Variants in NRXN3 observed in about 807,000 individuals in gnomAD.
The protein encoded by NRXN3 is neurexin III.
In NRXN3, 32 loss-of-function variants were observed where a neutral mutation model predicts 137.6. The observed-to-expected ratio is 0.23, with a 90% confidence interval of 0.18 to 0.31. NRXN3 has a LOEUF of 0.31. NRXN3 is among the 10% of genes least tolerant of loss of function. The pLI is 1.00. For synonymous variants in NRXN3, 798 were observed against 784.5 expected (o/e 1.02, Z -0.29); for missense variants, 1,574 against 2,062.5 (o/e 0.76, Z 4.59).
chr14:78,253,549 C>T (rs2068990446), intron 2 of NRXN3, among the ~76,000 whole-genome samples: 1 of 152,082 alleles, frequency 6.6e-6, no homozygotes, highest in African/African-American at 2.4e-5. Context: ...GTGGTGCATG[C>T]CTGTGGTGCC....
intron 15 of NRXN3, among the ~76,000 whole-genome samples, chr14:79,277,212 G>A (rs183970450): frequency 6.6e-6 from 1 of 152,208 alleles, no homozygotes; most frequent in East Asian, 1.9e-4. Context: ...GGCCAACAAT[G>A]CTATAAAGGC....
intron 8 of NRXN3, among the ~76,000 whole-genome samples, chr14:78,797,662 AT>A (rs1378728870): frequency 6.6e-6 from 1 of 152,186 alleles, no homozygotes; most frequent in Non-Finnish European, 1.5e-5. Flanking sequence ...TTGGCAGAAG[AT>A]AAAATAATTG....
chr14:79,805,684 G>GTA (rs148754701), intron 20 of NRXN3, among the ~76,000 whole-genome samples: 271 of 152,094 alleles, frequency 1.8e-3, no homozygotes, highest in African/African-American at 6.1e-3. Context: ...AAAAATATAT[G>GTA]TATATATATA....
At chr14:79,731,512 T>TATCA (rs2098922554) in intron 19 of NRXN3, among the ~76,000 whole-genome samples, 1 of 152,242 alleles carries the variant, frequency 6.6e-6, no homozygotes, top group Non-Finnish European at 1.5e-5. Flanking sequence ...TCTTTAAAAC[T>TATCA]ATCATAAATG....
chr14:79,129,623 G>A (rs1488564037), intron 15 of NRXN3, among the ~76,000 whole-genome samples: 1 of 135,576 alleles, frequency 7.4e-6, no homozygotes, highest in Non-Finnish European at 1.6e-5. Flanking sequence ...TGGAATAGGT[G>A]TGGTGTGGTG....
chr14:79,590,208 C>A, intron 16 of NRXN3, among the ~76,000 whole-genome samples: 1 of 151,912 alleles, frequency 6.6e-6, no homozygotes, highest in Non-Finnish European at 1.5e-5. Flanking sequence ...ATTATGTGGG[C>A]AGGTCTTTCC....
chr14:78,702,995 TG>T (rs2098303221), intron 6 of NRXN3, among the ~76,000 whole-genome samples: 1 of 152,200 alleles, frequency 6.6e-6, no homozygotes, highest in African/African-American at 2.4e-5. Context: ...TCGTGCCCAA[TG>T]TAACACAGTT....
chr14:78,661,762 C>A (rs946568626), intron 6 of NRXN3, among the ~76,000 whole-genome samples: 1 of 152,146 alleles, frequency 6.6e-6, no homozygotes, highest in Non-Finnish European at 1.5e-5. Context: ...ACCTAACCTT[C>A]TGTTACTTAT....
chr14:79,262,859 G>A (rs961503289), intron 15 of NRXN3, among the ~76,000 whole-genome samples: 1 of 152,124 alleles, frequency 6.6e-6, no homozygotes, highest in Non-Finnish European at 1.5e-5. Flanking sequence ...GGTACAAAGC[G>A]AAGAAGGAGG....
intron 15 of NRXN3, among the ~76,000 whole-genome samples, chr14:79,334,004 A>G (rs1598832942): frequency 6.6e-6 from 1 of 152,148 alleles, no homozygotes; most frequent in Non-Finnish European, 1.5e-5. Flanking sequence ...GTCCCCACTG[A>G]AAATAAAATA....
chr14:79,517,587 T>C (rs1014497639), intron 16 of NRXN3, among the ~76,000 whole-genome samples: 1 of 152,132 alleles, frequency 6.6e-6, no homozygotes, highest in African/African-American at 2.4e-5. Context: ...AGCACTACCA[T>C]GTTTTGCTTT....
At chr14:79,858,495 G>C (rs1041897226) in intron 20 of NRXN3, among the ~76,000 whole-genome samples, 7 of 152,104 alleles carry the variant, frequency 4.6e-5, no homozygotes, top group Non-Finnish European at 1.0e-4. Context: ...TGCCTCCTAA[G>C]ATATCAGTTA....
intron 15 of NRXN3, among the ~76,000 whole-genome samples, chr14:79,149,531 ATT>A (rs2059612405): frequency 6.6e-6 from 1 of 152,114 alleles, no homozygotes; most frequent in South Asian, 2.1e-4. Context: ...AATATAAATC[ATT>A]CTGTTATAAA....
intron 15 of NRXN3, among the ~76,000 whole-genome samples, chr14:79,251,604 G>A (rs2075940697): frequency 6.6e-6 from 1 of 152,054 alleles, no homozygotes; most frequent in Non-Finnish European, 1.5e-5. Context: ...ATAGATCTGG[G>A]GTTCCTCCAC....
At chr14:79,806,962 ATTTTTTTTTTT>A (rs35028709) in intron 20 of NRXN3, among the ~76,000 whole-genome samples, 7 of 26,348 alleles carry the variant, frequency 2.7e-4, no homozygotes, top group African/African-American at 1.0e-3. Flanking sequence ...ATATATATAT[ATTTTTTTTTTT>A]TTTTTTTTTT....
At chr14:79,371,355 T>C (rs2094103959) in intron 15 of NRXN3, among the ~76,000 whole-genome samples, 1 of 152,140 alleles carries the variant, frequency 6.6e-6, no homozygotes, top group Non-Finnish European at 1.5e-5. Context: ...TGGCAGACAG[T>C]AGGCTATTTC....
intron 10 of NRXN3, among the ~76,000 whole-genome samples, chr14:78,926,818 TA>T (rs2099299673): frequency 1.9e-5 from 1 of 51,626 alleles, no homozygotes; most frequent in South Asian, 4.4e-4. Context: ...ATATATTATA[TA>T]TTATATATAA....
chr14:79,214,634 G>T (rs957002033), intron 15 of NRXN3, among the ~76,000 whole-genome samples: 1 of 152,098 alleles, frequency 6.6e-6, no homozygotes, highest in Non-Finnish European at 1.5e-5. Context: ...CAACTTACTT[G>T]TCTTTTTGCT....
In NRXN3 at chr14:79,564,528, A is replaced by G. The variant is rs1199391679; in HGVS notation, c.3444+97126A>G. ...ATGACCACCATTCTAGACAAGCTTC[A>G]TTGTCCCGCACACTTTATCTGGACC... On this transcript the variant is annotated intron_variant, in intron 16 of 20. Transcript: ENST00000335750. 2.6e-5 allele frequency among the ~76,000 whole-genome samples: 4 copies of G among 152,254 alleles called. No homozygotes were observed. In the East Asian group the frequency reaches 7.7e-4, roughly 29 times the overall value.
Sources: allele counts gnomAD v4.1 joint callset (sites outside exome capture counted in the v4.1 genomes callset), GRCh38; gene constraint gnomAD v4.1.1; transcripts MANE v1.5; gene names NCBI Gene and HGNC (gene_info 2026-07-23, HGNC 2026-07-21).